Variants in LRP1B observed in about 807,000 individuals in gnomAD.
LRP1B encodes the protein LDL receptor related protein 1B, also known as low-density lipoprotein receptor-related protein 1B.
A neutral mutation model predicts 556.6 loss-of-function variants in LRP1B; 217 were observed. The observed-to-expected ratio is 0.39, with a 90% CI of 0.35 to 0.44. The LOEUF (loss-of-function observed/expected upper bound fraction) is 0.44, where lower values mean the gene tolerates loss of function less well. Among genes scored for constraint, LRP1B ranks in the 20% least tolerant of loss-of-function variants. The pLI is 1.00. For synonymous variants in LRP1B, 2,047 were observed against 1,865.8 expected (o/e 1.10, Z -2.50); for missense variants, 5,053 against 5,620.8 (o/e 0.90, Z 3.23).
At chr2:140,358,722 AT>A in intron 73 of LRP1B, 98 bp downstream of exon 73, 1 of 1,248,592 alleles carries the variant, frequency 8.0e-7, no homozygotes, top group African/African-American at 1.5e-5. Context: ...ATGCCCTCAG[AT>A]GTCCACATAA....
At chr2:141,862,145 G>A (rs1367002474) in intron 1 of LRP1B, among the ~76,000 whole-genome samples, 1 of 152,126 alleles carries the variant, frequency 6.6e-6, no homozygotes, top group Non-Finnish European at 1.5e-5. Context: ...ATGATAGTGT[G>A]TTGCTGAAAC....
At chr2:140,283,069 T>G (rs1382163926) in intron 84 of LRP1B, among the ~76,000 whole-genome samples, 1 of 151,776 alleles carries the variant, frequency 6.6e-6, no homozygotes, top group Non-Finnish European at 1.5e-5. Context: ...TTGTGGACTT[T>G]CATTACCTAG....
At chr2:141,950,460 G>A (rs1276471078) in intron 1 of LRP1B, among the ~76,000 whole-genome samples, 2 of 152,120 alleles carry the variant, frequency 1.3e-5, no homozygotes, top group Non-Finnish European at 2.9e-5. Flanking sequence ...GCTAAGGAAG[G>A]TATGAATTAT....
chr2:140,811,362 A>G (rs1384267007), intron 32 of LRP1B, among the ~76,000 whole-genome samples: 1 of 152,190 alleles, frequency 6.6e-6, no homozygotes, highest in African/African-American at 2.4e-5. Flanking sequence ...CTGTTAGTTT[A>G]GTATTCATTT....
chr2:140,451,743 T>G (rs1317038572), intron 62 of LRP1B, among the ~76,000 whole-genome samples: 6 of 151,244 alleles, frequency 4.0e-5, no homozygotes, highest in Non-Finnish European at 5.9e-5. Flanking sequence ...GATCATTTTT[T>G]AAAAAGAGGT....
chr2:140,501,770 T>G lies in LRP1B; in HGVS notation c.8767A>C (p.Arg2923=). 1 of 1,612,892 alleles carries G rather than the reference T, an allele frequency of 6.2e-7. No individual in the cohort carries two copies. The highest frequency in any genetic ancestry group is 8.5e-7 in the Non-Finnish European group (1 of 1,179,222). Residue 2923 remains arginine (R), a synonymous_variant, in exon 55 of 91, where the codon AGA becomes CGA. Coordinates refer to ENST00000389484, the MANE Select transcript of LRP1B (RefSeq NM_018557.3). ...AAACATTCATTTATATGGCAGTTTC[T>G]CTCATCTGAACCATCGCCACAGTCA... ...KDDCGDGSDE[R]NCHINECLSK...
intron 7 of LRP1B, among the ~76,000 whole-genome samples, chr2:141,152,219 C>T (rs1182340797): frequency 6.6e-6 from 1 of 151,840 alleles, no homozygotes; most frequent in African/African-American, 2.4e-5. Context: ...ATTCAAGTTT[C>T]CTCGTCTTTA....
At chr2:141,821,390 G>T (rs371588239) in intron 1 of LRP1B, among the ~76,000 whole-genome samples, 1 of 152,086 alleles carries the variant, frequency 6.6e-6, no homozygotes, top group Non-Finnish European at 1.5e-5. Context: ...CTCCTTAGTC[G>T]CTTTCTTTTA....
intron 23 of LRP1B, among the ~76,000 whole-genome samples, chr2:140,895,057 G>A (rs1006786173): frequency 3.3e-5 from 5 of 151,974 alleles, no homozygotes; most frequent in Non-Finnish European, 1.5e-5. Context: ...TACACATAGA[G>A]GAATGTGAAA....
intron 35 of LRP1B, among the ~76,000 whole-genome samples, chr2:140,748,371 ATGT>A (rs1261234022): frequency 1.2e-3 from 103 of 87,192 alleles, no homozygotes; most frequent in African/African-American, 3.9e-3. Context: ...ATATTTATAT[ATGT>A]ATATATATTC....
At chr2:140,586,026 A>G (rs563232316) in intron 43 of LRP1B, among the ~76,000 whole-genome samples, 1 of 152,196 alleles carries the variant, frequency 6.6e-6, no homozygotes, top group African/African-American at 2.4e-5. Context: ...CTTTAAAAAA[A>G]CTCAAATAGA....
At chr2:141,256,076 G>A (rs1325268935) in intron 3 of LRP1B, among the ~76,000 whole-genome samples, 2 of 151,942 alleles carry the variant, frequency 1.3e-5, no homozygotes, top group Non-Finnish European at 2.9e-5. Flanking sequence ...ATAAAACAAT[G>A]TTTATAAATC....
At chr2:141,522,193 C>T (rs965333385) in intron 2 of LRP1B, among the ~76,000 whole-genome samples, 5 of 152,060 alleles carry the variant, frequency 3.3e-5, no homozygotes, top group Admixed American at 6.6e-5. Context: ...GGACAGTGGC[C>T]GAACAATCTG....
At chr2:141,442,285 A>G (rs988266343) in intron 3 of LRP1B, among the ~76,000 whole-genome samples, 3 of 152,178 alleles carry the variant, frequency 2.0e-5, no homozygotes, top group Admixed American at 1.3e-4. Context: ...AATAAAAGTT[A>G]AGGCTTTTGA....
chr2:140,472,656 A>G (rs923728747), intron 60 of LRP1B, among the ~76,000 whole-genome samples: 1 of 152,064 alleles, frequency 6.6e-6, no homozygotes, highest in Non-Finnish European at 1.5e-5. Context: ...CAGAATTTTT[A>G]GAAACCTCAG....
chr2:140,298,667 T>A (rs1411533586), intron 83 of LRP1B, among the ~76,000 whole-genome samples: 1 of 152,168 alleles, frequency 6.6e-6, no homozygotes, highest in Non-Finnish European at 1.5e-5. Flanking sequence ...ATATGACAGA[T>A]CATCTTTGAC....
At chr2:141,576,718 C>A (rs1199801916) in intron 2 of LRP1B, among the ~76,000 whole-genome samples, 14 of 142,084 alleles carry the variant, frequency 9.9e-5, no homozygotes, top group Admixed American at 6.6e-4. Context: ...CCTGCTACTG[C>A]ATGCCAGCCT....
intron 2 of LRP1B, among the ~76,000 whole-genome samples, chr2:141,503,901 T>A (rs1683820061): frequency 6.6e-6 from 1 of 152,162 alleles, no homozygotes; most frequent in Non-Finnish European, 1.5e-5. Flanking sequence ...TTAATATATT[T>A]AAGCATTCAG....
Position 141,311,471 on chromosome 2 carries a change from G to C in LRP1B, c.344-56830C>G, listed in dbSNP as rs1686812093. Among the ~76,000 whole-genome samples, 4 of 151,978 alleles carry C rather than the reference G, an allele frequency of 2.6e-5. No individual in the cohort carries two copies. The South Asian group carries it at 8.3e-4, about 32-fold the overall frequency. ...GGTTTTTTTCAAGGCTCCACTATAG[G>C]CTGAATAGTTGTTGCTGTGGTTTAA... On this transcript the variant is annotated intron_variant, in intron 3 of 90. Transcript: ENST00000389484.
Sources: allele counts gnomAD v4.1 joint callset (sites outside exome capture counted in the v4.1 genomes callset), GRCh38; gene constraint gnomAD v4.1.1; transcripts MANE v1.5; gene names NCBI Gene and HGNC (gene_info 2026-07-23, HGNC 2026-07-21).